The following RHOH variants were observed in gnomAD, a reference collection of about 807,000 sequenced individuals.
RHOH encodes the protein rho-related GTP-binding protein RhoH.
RHOH carries 6 observed loss-of-function variants against 13.8 expected under a neutral mutation model. The ratio of observed to expected loss-of-function variants is 0.44; its 90% CI spans 0.24 to 0.86. The LOEUF (loss-of-function observed/expected upper bound fraction) is 0.86. Ranked by LOEUF, RHOH falls within the 40% of genes least tolerant of loss-of-function variation. RHOH has a pLI of 0.24. For synonymous variants in RHOH, 117 were observed against 103.0 expected, an observed-to-expected ratio of 1.14 and a Z score of -0.82; for missense variants, 147 against 244.5, an observed-to-expected ratio of 0.60 and a Z score of 2.66.
chr4:40,197,356 A>G (rs1051601898), intron 1 of RHOH, 56 bp downstream of exon 1: 1 of 149,036 alleles, frequency 6.7e-6, no homozygotes, highest in Non-Finnish European at 1.5e-5. Context: ...AATTTTTCTA[A>G]TTTTATTTAG....
intron 1 of RHOH, among the ~76,000 whole-genome samples, chr4:40,216,995 C>T (rs991524537): frequency 3.9e-5 from 6 of 152,156 alleles, no homozygotes; most frequent in African/African-American, 1.4e-4. Flanking sequence ...TCTTAGTTCT[C>T]CTAGAAATCT....
At chr4:40,192,412 C>T (rs555215952), upstream of RHOH, among the ~76,000 whole-genome samples, 18 of 152,200 alleles carry the variant, frequency 1.2e-4, no homozygotes, top group South Asian at 2.1e-4. Flanking sequence ...ACTAACCCAG[C>T]GTTGAAATAA....
chr4:40,229,093 G>A (rs940728491), intron 1 of RHOH, among the ~76,000 whole-genome samples: 1 of 152,130 alleles, frequency 6.6e-6, no homozygotes, highest in Admixed American at 6.5e-5. Context: ...TGAGTTGCAG[G>A]TAGAGTCTGT....
chr4:40,234,321 A>G (rs1031306224), intron 1 of RHOH, among the ~76,000 whole-genome samples: 1 of 152,214 alleles, frequency 6.6e-6, no homozygotes, highest in African/African-American at 2.4e-5. Flanking sequence ...AAGAAGTAGG[A>G]AATGCATTTC....
At chr4:40,204,111 G>A (rs1263733808) in intron 1 of RHOH, among the ~76,000 whole-genome samples, 5 of 152,282 alleles carry the variant, frequency 3.3e-5, no homozygotes, top group East Asian at 3.9e-4. Context: ...GAATGACATC[G>A]CAGTAGCCAC....
Position 40,243,536 on chromosome 4 carries a change from C to T in RHOH, c.150C>T (p.Ile50=). 6.2e-7 allele frequency: 1 copy of T among 1,614,082 alleles called. No homozygotes were observed. Among genetic ancestry groups the T allele is most frequent in the Non-Finnish European group, 8.5e-7 (1 of 1,180,016 alleles). The stretch of plus-strand genomic sequence containing the variant: ...GGGTGGACGTCTTCATGGATGGCAT[C>T]CAGATCAGCCTGGGCCTCTGGGACA... The part of the protein sequence containing the change: ...NTGVDVFMDG[I]QISLGLWDTA... The change falls in exon 3 of 3, where the codon ATC becomes ATT. Residue 50 remains isoleucine (I), a synonymous_variant. Coordinates refer to ENST00000381799, the MANE Select transcript of RHOH (RefSeq NM_004310.5). The surrounding 1 kb of genome is among the most constrained non-coding windows in gnomAD (Gnocchi z 6.2).
intron 1 of RHOH, among the ~76,000 whole-genome samples, chr4:40,214,445 A>G (rs917952543): frequency 9.9e-5 from 15 of 152,122 alleles, no homozygotes; most frequent in Non-Finnish European, 2.9e-5. Context: ...GAGTTTTACT[A>G]TATTGCCCAG....
chr4:40,220,038 G>A (rs1307869474), intron 1 of RHOH, among the ~76,000 whole-genome samples: 2 of 152,124 alleles, frequency 1.3e-5, no homozygotes, highest in East Asian at 1.9e-4. Flanking sequence ...GAGAGAACTC[G>A]GCTGGATGGA....
intron 1 of RHOH, among the ~76,000 whole-genome samples, chr4:40,236,747 G>A (rs1197001504): frequency 2.6e-5 from 4 of 151,546 alleles, no homozygotes; most frequent in African/African-American, 4.9e-5. Context: ...AGCCGAGATC[G>A]TGCCAGTGCA....
intron 1 of RHOH, among the ~76,000 whole-genome samples, chr4:40,197,663 A>G (rs532551268): frequency 1.3e-5 from 2 of 152,316 alleles, no homozygotes; most frequent in African/African-American, 4.8e-5. Flanking sequence ...AAGTTGTGCA[A>G]ATATGAATTT....
intron 1 of RHOH, among the ~76,000 whole-genome samples, chr4:40,224,184 G>T (rs2109470678): frequency 6.6e-6 from 1 of 152,330 alleles, no homozygotes; most frequent in South Asian, 2.1e-4. Context: ...TGTAAGGTAT[G>T]TCTGTATATC....
Position 40,223,767 on chromosome 4 carries a change from G to GTTT in RHOH, c.-330-18927_-330-18925dup, listed in dbSNP as rs56144023. Among the ~76,000 whole-genome samples, 192 of 83,906 alleles carry GTTT rather than the reference G, an allele frequency of 2.3e-3. 5 individuals are homozygous for GTTT. The highest frequency in any genetic ancestry group is 6.8e-3 in the African/African-American group (137 of 20,078). 55.0% of individuals were successfully genotyped at this position (83,906 alleles called of 152,430 possible). A position where few individuals can be genotyped will look rare whatever the true frequency, so the allele number is the denominator to read the frequency against. ...ATCATGTATAGTGTAAACATAACTT[G>GTTT]TTTTTTTTTTTTTTTTTTTTTTGAG... On this transcript the variant is annotated intron_variant, in intron 1 of 2. Coordinates refer to ENST00000381799, the MANE Select transcript of RHOH (RefSeq NM_004310.5).
chr4:40,244,692 C>G lies in RHOH; in HGVS notation c.*730C>G, dbSNP rs767415444. 2 of 185,728 alleles carry G rather than the reference C, an allele frequency of 1.1e-5. No homozygotes were observed. Among genetic ancestry groups the G allele is most frequent in the Non-Finnish European group, 2.3e-5 (2 of 85,320 alleles). 11.5% of individuals were successfully genotyped at this position (185,728 alleles called of 1,614,324 possible). ...TGTCTTTCACTCAACTCCAGTTATG[C>G]ACTAAATATTCTCCTCTCATTCACC... On this transcript the variant is annotated 3_prime_UTR_variant, in exon 3 of 3. Coordinates refer to ENST00000381799, the MANE Select transcript of RHOH (RefSeq NM_004310.5).
At chr4:40,197,616 T>C (rs575651263) in intron 1 of RHOH, among the ~76,000 whole-genome samples, 2 of 152,332 alleles carry the variant, frequency 1.3e-5, no homozygotes, top group Middle Eastern at 3.4e-3. Context: ...GTTTAAATAC[T>C]ACCCAAGGTT....
chr4:40,221,778 T>C (rs143932876), intron 1 of RHOH, among the ~76,000 whole-genome samples: 63 of 152,322 alleles, frequency 4.1e-4, no homozygotes, highest in African/African-American at 1.5e-3. Context: ...TCTCTCACTT[T>C]AAATCAAAAG....
upstream of RHOH, among the ~76,000 whole-genome samples, chr4:40,195,140 C>T (rs1417577384): frequency 6.6e-6 from 1 of 152,172 alleles, no homozygotes; most frequent in Non-Finnish European, 1.5e-5. Context: ...TTTTTGTCTT[C>T]ACTTCTCTTG....
At position 40,218,613 on chromosome 4, in the gene RHOH, G is replaced by T. The variant is rs1207118359; in HGVS notation, c.-331+21313G>T. Among the ~76,000 whole-genome samples, 1 of 152,182 alleles carries T rather than the reference G, an allele frequency of 6.6e-6. No homozygotes were observed. The highest frequency in any genetic ancestry group is 1.5e-5 in the Non-Finnish European group (1 of 68,020). ...GGGAGGGGAAAAAGTTCATCTGGTG[G>T]CAGGAGCTTTAGGCTCTCTCTGCTC... is the stretch of plus-strand genomic sequence containing the variant. On this transcript the variant is annotated intron_variant, in intron 1 of 2. Coordinates refer to ENST00000381799, the MANE Select transcript of RHOH (RefSeq NM_004310.5). The surrounding 1 kb of genome is among the most constrained non-coding windows in gnomAD (Gnocchi z 4.1).
chr4:40,225,071 A>G (rs1479509047), intron 1 of RHOH, among the ~76,000 whole-genome samples: 1 of 152,192 alleles, frequency 6.6e-6, no homozygotes, highest in Non-Finnish European at 1.5e-5. Flanking sequence ...ACCATGCCCA[A>G]CTAATTAAAA....
At chr4:40,227,041 T>C (rs1579302734) in intron 1 of RHOH, among the ~76,000 whole-genome samples, 2 of 152,008 alleles carry the variant, frequency 1.3e-5, no homozygotes, top group African/African-American at 4.8e-5. Context: ...TGCCTGTAAT[T>C]CCAGCTACTC....
Sources: allele counts gnomAD v4.1 joint callset (sites outside exome capture counted in the v4.1 genomes callset), GRCh38; gene constraint gnomAD v4.1.1; non-coding constraint Gnocchi (gnomAD v3.1); transcripts MANE v1.5; gene names NCBI Gene and HGNC (gene_info 2026-07-23, HGNC 2026-07-21).